Variants in TMPRSS7 observed in about 807,000 individuals in gnomAD.
TMPRSS7 encodes the protein transmembrane serine protease 7.
Under a neutral mutation model 95.6 loss-of-function variants are expected in TMPRSS7, and 81 were observed. That is an observed-to-expected ratio of 0.85 (90% CI 0.71 to 1.02). The LOEUF (loss-of-function observed/expected upper bound fraction) is 1.02. Among genes scored for constraint, TMPRSS7 ranks in the 50% least tolerant of loss-of-function variants. TMPRSS7 has a pLI of 0.00. For synonymous variants in TMPRSS7, 364 were observed against 337.8 expected (o/e 1.08, Z -0.85); for missense variants, 945 against 955.2 (o/e 0.99, Z 0.14).
intron 2 of TMPRSS7, among the ~76,000 whole-genome samples, chr3:112,038,853 A>AT (rs2073178028): frequency 6.6e-6 from 1 of 151,316 alleles, no homozygotes; most frequent in African/African-American, 2.4e-5. Context: ...TACCAACACC[A>AT]TTTTCTCCCC....
chr3:112,045,667 C>A, intron 4 of TMPRSS7, 83 bp from the exon 5 acceptor site: 2 of 1,350,894 alleles, frequency 1.5e-6, no homozygotes, highest in Non-Finnish European at 2.0e-6. Context: ...TGCTCATTGG[C>A]CTTACCTTGA....
At chr3:112,074,502 C>A in intron 14 of TMPRSS7, 90 bp downstream of exon 14, 1 of 1,003,940 alleles carries the variant, frequency 1.0e-6, no homozygotes, top group Non-Finnish European at 1.5e-6. Context: ...GTGTATTTCC[C>A]TTGATCGAGG....
chr3:112,070,078 G>A (rs958995800), intron 13 of TMPRSS7, among the ~76,000 whole-genome samples: 14 of 152,152 alleles, frequency 9.2e-5, no homozygotes, highest in South Asian at 4.2e-4. Context: ...CCTTCATTTC[G>A]TTATTTACCC....
chr3:112,066,333 C>A, intron 12 of TMPRSS7, 59 bp from the exon 13 acceptor site: 2 of 1,477,542 alleles, frequency 1.4e-6, no homozygotes, highest in Non-Finnish European at 1.9e-6. Flanking sequence ...TGCTGATCAT[C>A]AGAGAACCCA....
chr3:112,080,038 G>T (rs2073758618), intron 17 of TMPRSS7, among the ~76,000 whole-genome samples: 2 of 152,064 alleles, frequency 1.3e-5, no homozygotes, highest in African/African-American at 4.8e-5. Context: ...TTGATGTGGT[G>T]GCAATTAAAA....
At chr3:112,037,994 C>T (rs1305649620) in intron 1 of TMPRSS7, 78 bp from the exon 2 acceptor site, 1 of 659,652 alleles carries the variant, frequency 1.5e-6, no homozygotes, top group East Asian at 2.7e-5. Context: ...TTAGTACCAA[C>T]ATCTCCTGAC....
At chr3:112,055,815 T>C (rs777270884) in intron 9 of TMPRSS7, among the ~76,000 whole-genome samples, 18 of 152,176 alleles carry the variant, frequency 1.2e-4, no homozygotes, top group African/African-American at 4.1e-4. Flanking sequence ...ATCCACAAGA[T>C]GTGATTACGT....
In TMPRSS7 at chr3:112,063,715, G is replaced by A. The variant is rs2073542035; in HGVS notation, c.1555+83G>A. ...TGATTGCTGCTGATATATATCCTTA[G>A]TATTTGTAGTTATTATCTATTACTG... is the stretch of plus-strand genomic sequence containing the variant. On this transcript the variant is annotated intron_variant, in intron 12 of 17. Coordinates refer to ENST00000452346, the Ensembl canonical transcript of TMPRSS7. The A allele has an allele frequency of 8.6e-6, 10 of 1,158,820 alleles. No individual in the cohort carries two copies. The East Asian group carries it at 1.9e-4, about 22-fold the overall frequency. The allele number at this position is 1,158,820 out of a possible 1,614,324, so 71.8% of individuals were successfully genotyped here.
upstream of TMPRSS7, chr3:112,034,775 C>G: frequency 2.9e-6 from 2 of 698,626 alleles, no homozygotes; most frequent in African/African-American, 3.5e-5. Flanking sequence ...CAATTCTTCT[C>G]AAGAGAGCAT....
At chr3:112,045,721 C>T in intron 4 of TMPRSS7, 29 bp from the exon 5 acceptor site, 1 of 1,525,584 alleles carries the variant, frequency 6.6e-7, no homozygotes, top group Non-Finnish European at 8.8e-7. Context: ...CCTATGAGGT[C>T]CCTGATGATC....
intron 11 of TMPRSS7, 29 bp from the exon 12 acceptor site, chr3:112,063,496 T>C (rs2073538016): frequency 1.3e-6 from 2 of 1,568,542 alleles, no homozygotes; most frequent in African/African-American, 1.4e-5. Context: ...TCCAAGATTT[T>C]CTATTTTTTG....
chr3:112,058,692 G>C (rs2073462640), intron 10 of TMPRSS7, among the ~76,000 whole-genome samples: 1 of 152,140 alleles, frequency 6.6e-6, no homozygotes, highest in African/African-American at 2.4e-5. Flanking sequence ...TTTTGTGAAG[G>C]TGTAAGCCTG....
At chr3:112,064,322 A>G (rs2073548642) in intron 12 of TMPRSS7, among the ~76,000 whole-genome samples, 1 of 150,668 alleles carries the variant, frequency 6.6e-6, no homozygotes, top group Non-Finnish European at 1.5e-5. Flanking sequence ...TTTGTAAATA[A>G]AAGAGAACGG....
intron 10 of TMPRSS7, among the ~76,000 whole-genome samples, chr3:112,059,734 GT>G (rs1203634910): frequency 6.6e-6 from 1 of 152,172 alleles, no homozygotes; most frequent in Non-Finnish European, 1.5e-5. Flanking sequence ...GGTCTAACAG[GT>G]TATCAGTTCC....
At chr3:112,079,442 C>T (rs932194613) in intron 17 of TMPRSS7, among the ~76,000 whole-genome samples, 6 of 152,228 alleles carry the variant, frequency 3.9e-5, no homozygotes, top group Non-Finnish European at 8.8e-5. Flanking sequence ...GTCCAACCCA[C>T]GGCCCACAGG....
chr3:112,051,581 ATATC>A (rs1250703212), intron 9 of TMPRSS7, among the ~76,000 whole-genome samples: 6 of 149,572 alleles, frequency 4.0e-5, no homozygotes, highest in African/African-American at 7.5e-5. Flanking sequence ...CTATCTATCT[ATATC>A]TATCTCTATT....
At chr3:112,075,732 G>C (rs56060014) in intron 15 of TMPRSS7, among the ~76,000 whole-genome samples, 1 of 152,090 alleles carries the variant, frequency 6.6e-6, no homozygotes, top group African/African-American at 2.4e-5. Context: ...AAATAAGATA[G>C]GGCTTTTAAC....
At chr3:112,051,309 A>G (rs145616964) in intron 9 of TMPRSS7, among the ~76,000 whole-genome samples, 2,365 of 152,254 alleles carry the variant, frequency 0.016, 56 homozygotes, top group African/African-American at 0.054. Flanking sequence ...TGTATTAGGT[A>G]TTATAAGTAA....
At chr3:112,064,016 G>A (rs761123926) in intron 12 of TMPRSS7, among the ~76,000 whole-genome samples, 3 of 152,206 alleles carry the variant, frequency 2.0e-5, no homozygotes, top group Non-Finnish European at 4.4e-5. Flanking sequence ...GCCTGGGCTT[G>A]GAACTGGCAC....
Sources: gnomAD v4.1 joint callset for allele counts (sites outside exome capture counted in the v4.1 genomes callset) on GRCh38, gnomAD v4.1.1 for gene constraint, MANE v1.5 for transcripts, NCBI Gene and HGNC (gene_info 2026-07-23, HGNC 2026-07-21) for gene names.